GNAI1: variants seen among roughly 807,000 people sequenced by gnomAD.
The protein encoded by GNAI1 is G protein subunit alpha i1.
A neutral mutation model predicts 38.9 loss-of-function variants in GNAI1; 11 were observed. The ratio of observed to expected loss-of-function variants is 0.28; its 90% confidence interval spans 0.18 to 0.47. The LOEUF is 0.47. Ranked by LOEUF, GNAI1 falls within the 20% of genes least tolerant of loss-of-function variation. The pLI, the probability that GNAI1 is intolerant of heterozygous loss-of-function variation, is 0.99. For synonymous variants in GNAI1, 166 were observed against 145.1 expected (o/e 1.14, Z -1.04); for missense variants, 317 against 436.9 (o/e 0.73, Z 2.45).
intron 1 of GNAI1, among the ~76,000 whole-genome samples, chr7:80,185,071 A>C (rs1330999618): frequency 6.6e-6 from 1 of 152,142 alleles, no homozygotes; most frequent in African/African-American, 2.4e-5. Flanking sequence ...AGCACTTTTC[A>C]TCCCATCCTG....
At chr7:80,182,395 G>C (rs1788310322) in intron 1 of GNAI1, among the ~76,000 whole-genome samples, 2 of 152,106 alleles carry the variant, frequency 1.3e-5, no homozygotes, top group African/African-American at 4.8e-5. Flanking sequence ...AGAAGTGAAT[G>C]GCTCAGGGGA....
intron 1 of GNAI1, among the ~76,000 whole-genome samples, chr7:80,142,091 A>G (rs775941675): frequency 4.6e-5 from 7 of 152,258 alleles, no homozygotes; most frequent in Admixed American, 3.9e-4. Context: ...AGACATTAAC[A>G]TCGTATTTCT....
intron 4 of GNAI1, among the ~76,000 whole-genome samples, chr7:80,200,519 G>GAA (rs1788667373): frequency 6.6e-6 from 1 of 151,936 alleles, no homozygotes; most frequent in South Asian, 2.1e-4. Context: ...TCTTGACACA[G>GAA]CTGTTGGCTG....
chr7:80,155,328 TCATTGATACATTATCAA>T (rs1446189245), intron 1 of GNAI1, among the ~76,000 whole-genome samples: 1 of 152,212 alleles, frequency 6.6e-6, no homozygotes, highest in African/African-American at 2.4e-5. Flanking sequence ...AAGTAAACAT[TCATTGATACATTATCAA>T]CTTCAGTAAT....
chr7:80,204,788 AAAG>A (rs937220387), intron 5 of GNAI1, among the ~76,000 whole-genome samples: 3 of 152,190 alleles, frequency 2.0e-5, no homozygotes, highest in African/African-American at 4.8e-5. Flanking sequence ...AATCATGAAA[AAAG>A]AAATTATGTA....
chr7:80,155,692 G>A (rs993607992), intron 1 of GNAI1, among the ~76,000 whole-genome samples: 1 of 151,878 alleles, frequency 6.6e-6, no homozygotes, highest in Non-Finnish European at 1.5e-5. Flanking sequence ...TGGCATTCCA[G>A]GAGGAATGAT....
chr7:80,151,619 C>T (rs1463523178), intron 1 of GNAI1, among the ~76,000 whole-genome samples: 1 of 152,202 alleles, frequency 6.6e-6, no homozygotes, highest in Non-Finnish European at 1.5e-5. Context: ...ATAAATGCCT[C>T]AATGAAGCAT....
intron 1 of GNAI1, among the ~76,000 whole-genome samples, chr7:80,183,997 C>G (rs1788345809): frequency 1.3e-5 from 2 of 152,162 alleles, no homozygotes; most frequent in Admixed American, 6.5e-5. Flanking sequence ...GTCCTCAGCA[C>G]AGTCTTATTT....
In GNAI1 at chr7:80,135,107, G is replaced by A; in HGVS notation, c.-54G>A. ...AGAGAGAAAGGATTCCCCTGTGCTT[G>A]GAGCCCGCACTCGGGCGCGGAGGGA... On this transcript the variant is annotated 5_prime_UTR_variant, in exon 1 of 8. Transcript: ENST00000649796. The A allele has an allele frequency of 8.0e-7, 1 of 1,249,112 alleles. No homozygotes were observed. Among genetic ancestry groups the A allele is most frequent in the Non-Finnish European group, 1.1e-6 (1 of 921,760 alleles). 77.4% of individuals were successfully genotyped at this position (1,249,112 alleles called of 1,614,324 possible).
intron 1 of GNAI1, among the ~76,000 whole-genome samples, chr7:80,174,101 G>A (rs1310780959): frequency 1.3e-5 from 2 of 152,122 alleles, no homozygotes; most frequent in Non-Finnish European, 2.9e-5. Flanking sequence ...TATGAGTGAT[G>A]AGATGGGAAG....
intron 5 of GNAI1, 89 bp downstream of exon 5, chr7:80,203,921 TTTACAGTTGGAAA>T (rs1455080954): frequency 5.2e-6 from 4 of 764,258 alleles, no homozygotes; most frequent in Non-Finnish European, 5.8e-6. Context: ...TTACAACATT[TTTACAGTTGGAAA>T]TTACAGTTGG....
chr7:80,217,497 T>C lies in GNAI1; in HGVS notation c.*4T>C, dbSNP rs145986230. The C allele has an allele frequency of 4.5e-6, 7 of 1,567,436 alleles. No individual in the cohort carries two copies. Among genetic ancestry groups the C allele is most frequent in the Non-Finnish European group, 6.1e-6 (7 of 1,150,634 alleles). On this transcript the variant is annotated 3_prime_UTR_variant, in exon 8 of 8. Coordinates refer to ENST00000649796, the MANE Select transcript of GNAI1 (RefSeq NM_002069.6). ...AAAAGATTGTGGTCTCTTTTAAGTT[T>C]TGCAGTTCATGGTAAAATGCATTTT...
Position 80,219,179 on chromosome 7 carries a change from C to T in GNAI1, c.*1686C>T, listed in dbSNP as rs965990059. 1 of 152,436 alleles carries T rather than the reference C, an allele frequency of 6.6e-6. No individual in the cohort carries two copies. Among genetic ancestry groups the T allele is most frequent in the Non-Finnish European group, 1.5e-5 (1 of 68,000 alleles). The allele number at this position is 152,436 out of a possible 1,614,324, so 9.4% of individuals were successfully genotyped here. A position where few individuals can be genotyped will look rare whatever the true frequency, so the allele number is the denominator to read the frequency against. On this transcript the variant is annotated 3_prime_UTR_variant, in exon 8 of 8. Transcript: ENST00000649796. Reference sequence around the variant, plus strand: ...TAGTTTAGATTCTTTATGTGCCTTTCATGAAAGATATGTTTTCATTAATTT... The same window carrying T: ...TAGTTTAGATTCTTTATGTGCCTTTTATGAAAGATATGTTTTCATTAATTT...
In GNAI1 at chr7:80,217,543, A is replaced by T. The variant is rs1210529216; in HGVS notation, c.*50A>T. On this transcript the variant is annotated 3_prime_UTR_variant, in exon 8 of 8. Transcript: ENST00000649796. ...ATTTTCAAACCAAATGAGTACTTATATATGGATCTCTGTAGACTAGAGTCT... is the reference window on the plus strand; with the variant it reads ...ATTTTCAAACCAAATGAGTACTTATTTATGGATCTCTGTAGACTAGAGTCT... 9.4e-7 allele frequency: 1 copy of T among 1,063,180 alleles called. No homozygotes were observed. The highest frequency in any genetic ancestry group is 1.6e-5 in the South Asian group (1 of 63,970). 65.9% of individuals were successfully genotyped at this position (1,063,180 alleles called of 1,614,324 possible).
chr7:80,138,635 C>G (rs1461526476), intron 1 of GNAI1, among the ~76,000 whole-genome samples: 1 of 152,078 alleles, frequency 6.6e-6, no homozygotes, highest in East Asian at 1.9e-4. Flanking sequence ...CTATAGTATA[C>G]TACTTGTACT....
chr7:80,140,713 G>A (rs75364557), intron 1 of GNAI1, among the ~76,000 whole-genome samples: 1,972 of 152,240 alleles, frequency 0.013, 24 homozygotes, highest in East Asian at 0.064. Flanking sequence ...ATTAAAAGCC[G>A]TAACGGAAAT....
chr7:80,195,127 A>G (rs970178079), intron 3 of GNAI1, among the ~76,000 whole-genome samples: 2 of 151,900 alleles, frequency 1.3e-5, no homozygotes, highest in Non-Finnish European at 2.9e-5. Context: ...CAATACCAGG[A>G]ACACTTAAAT....
chr7:80,189,296 A>G, intron 3 of GNAI1, 65 bp downstream of exon 3: 2 of 1,350,896 alleles, frequency 1.5e-6, no homozygotes, highest in Admixed American at 1.9e-5. Flanking sequence ...TGCTAATACC[A>G]TACTGTGTAA....
chr7:80,207,858 G>A (rs202174686), intron 5 of GNAI1, among the ~76,000 whole-genome samples: 1 of 152,056 alleles, frequency 6.6e-6, no homozygotes, highest in Non-Finnish European at 1.5e-5. Context: ...GGCATTTATG[G>A]CCAGTGTCTA....
Sources: gnomAD v4.1 joint callset for allele counts (sites outside exome capture counted in the v4.1 genomes callset) on GRCh38, gnomAD v4.1.1 for gene constraint, MANE v1.5 for transcripts, NCBI Gene and HGNC (gene_info 2026-07-23, HGNC 2026-07-21) for gene names.